The following PC variants were observed in gnomAD, a reference collection of about 807,000 sequenced individuals.
The protein encoded by PC is pyruvate carboxylase, mitochondrial.
PC carries 46 observed loss-of-function variants against 107.8 expected under a neutral mutation model. That is an observed-to-expected ratio of 0.43 (90% CI 0.34 to 0.55). The LOEUF is 0.55. Ranked by LOEUF, PC falls within the 20% of genes least tolerant of loss-of-function variation. The probability of loss-of-function intolerance (pLI) is 0.04; values close to 1 mark genes in which losing one functional copy is unlikely to be tolerated. For synonymous variants in PC, 662 were observed against 684.7 expected (o/e 0.97, Z 0.52); for missense variants, 1,241 against 1,643.1 (o/e 0.76, Z 4.23).
chr11:66,948,012 AAGATAGATAGATAGATAGAT>A (rs57087967), intron 3 of PC, among the ~76,000 whole-genome samples: 19 of 134,692 alleles, frequency 1.4e-4, no homozygotes, highest in South Asian at 2.6e-4. Context: ...ATCTCTACTA[AAGATAGATAGATAGATAGAT>A]AGATAGATAG....
intron 1 of PC, among the ~76,000 whole-genome samples, chr11:66,955,074 C>G (rs954813478): frequency 6.6e-6 from 1 of 152,194 alleles, no homozygotes; most frequent in African/African-American, 2.4e-5. Flanking sequence ...CTGCCACCTC[C>G]AAAAGTAACT....
In PC at chr11:66,852,927, C is replaced by T. The variant is rs2135818237; in HGVS notation, c.1514-91G>A. ...GAGTGGCTGGGCTCAGGGACAGGGA[C>T]ACATCCCTCCAGGATCCCCGGGCTT... On this transcript the variant is annotated intron_variant, in intron 13 of 22. Coordinates refer to ENST00000393960, the MANE Select transcript of PC (RefSeq NM_001040716.2). The surrounding 1 kb of genome is among the most constrained non-coding windows in gnomAD (Gnocchi z 4.7). The T allele has an allele frequency of 8.2e-6, 8 of 981,002 alleles. No homozygotes were observed. The East Asian group carries it at 1.8e-4, about 22-fold the overall frequency. The allele number at this position is 981,002 out of a possible 1,614,324, so 60.8% of individuals were successfully genotyped here. A position where few individuals can be genotyped will look rare whatever the true frequency, so the allele number is the denominator to read the frequency against.
chr11:66,940,377 T>G (rs114580351), intron 3 of PC, among the ~76,000 whole-genome samples: 5,683 of 151,872 alleles, frequency 0.037, 346 homozygotes, highest in African/African-American at 0.13. Flanking sequence ...AGGTGGTTTT[T>G]TGTGTGTGTG....
intron 3 of PC, among the ~76,000 whole-genome samples, chr11:66,927,757 C>A (rs979047703): frequency 6.6e-6 from 1 of 151,536 alleles, no homozygotes; most frequent in Admixed American, 6.6e-5. Flanking sequence ...TCTGGGATGC[C>A]AACTTTGGGT....
chr11:66,859,022 GC>G (rs1946073052), intron 12 of PC: 1 of 1,511,234 alleles, frequency 6.6e-7, no homozygotes, highest in Admixed American at 2.2e-5. Flanking sequence ...GGGGTCCCGG[GC>G]GGCCAGCCGA....
At chr11:66,897,316 A>G (rs1485801586) in intron 3 of PC, among the ~76,000 whole-genome samples, 1 of 152,118 alleles carries the variant, frequency 6.6e-6, no homozygotes, top group Non-Finnish European at 1.5e-5. Flanking sequence ...CACACCTATA[A>G]TCCCAGCACT....
chr11:66,858,263 C>G lies in PC; in HGVS notation c.1369-4880G>C, dbSNP rs1346703838. 1.2e-6 allele frequency: 2 copies of G among 1,612,394 alleles called. No homozygotes were observed. The highest frequency in any genetic ancestry group is 1.6e-4 in the Middle Eastern group (1 of 6,062). On this transcript the variant is annotated intron_variant, in intron 12 of 22. Coordinates refer to ENST00000393960, the MANE Select transcript of PC (RefSeq NM_001040716.2). The surrounding 1 kb of genome is among the most constrained non-coding windows in gnomAD (Gnocchi z 5.9). ...TCGGCGCCATGCCTGCCCTGCACAC[C>G]CTCAACCTGGACCATAACCTTATTG...
intron 12 of PC, chr11:66,860,251 CG>C: frequency 6.5e-7 from 1 of 1,536,614 alleles, no homozygotes. Flanking sequence ...GCAGAGGGCC[CG>C]GGGCCGCCGC....
rs1218284145 is a variant in PC at position 66,852,291 on chromosome 11, G to A, written c.1825+148C>T. On this transcript the variant is annotated intron_variant, in intron 15 of 22. Coordinates refer to ENST00000393960, the MANE Select transcript of PC (RefSeq NM_001040716.2). This position sits in a 1 kb window ranked among gnomAD's most constrained non-coding sequence, Gnocchi z 4.7. ...CCTCGTGCCGGCACCAGGCCTGGCCGGAGAGGGCGCTGTGCCTTCTTCGGT... is the reference window on the plus strand; with the variant it reads ...CCTCGTGCCGGCACCAGGCCTGGCCAGAGAGGGCGCTGTGCCTTCTTCGGT... The A allele has an allele frequency of 2.0e-5, 15 of 762,692 alleles. No individual in the cohort carries two copies. The highest frequency in any genetic ancestry group is 4.7e-5 in the South Asian group (3 of 63,984). 47.2% of individuals were successfully genotyped at this position (762,692 alleles called of 1,614,324 possible). A position where few individuals can be genotyped will look rare whatever the true frequency, so the allele number is the denominator to read the frequency against.
At chr11:66,927,069 C>A (rs1040902684) in intron 3 of PC, among the ~76,000 whole-genome samples, 3 of 148,564 alleles carry the variant, frequency 2.0e-5, no homozygotes, top group Non-Finnish European at 4.4e-5. Context: ...CGGCTCACTG[C>A]AACCTCTGCC....
intron 3 of PC, among the ~76,000 whole-genome samples, chr11:66,932,151 G>C (rs7108388): frequency 0.29 from 44,820 of 152,066 alleles, 6,868 homozygotes; most frequent in Middle Eastern, 0.36. Context: ...TGGGTTACTG[G>C]GGAGAGAGGA....
At chr11:66,943,857 G>C (rs894403137) in intron 3 of PC, among the ~76,000 whole-genome samples, 3 of 149,288 alleles carry the variant, frequency 2.0e-5, no homozygotes, top group Non-Finnish European at 4.4e-5. Flanking sequence ...CGTGGCAGGC[G>C]CGTGTATTCC....
In PC at chr11:66,914,128, G is replaced by A. The variant is rs117979788; in HGVS notation, c.-1+38302C>T. Among the ~76,000 whole-genome samples, 15 of 152,246 alleles carry A rather than the reference G, an allele frequency of 9.9e-5. No homozygotes were observed. The East Asian group carries it at 2.9e-3, about 29-fold the overall frequency. On this transcript the variant is annotated intron_variant, in intron 3 of 22. Coordinates refer to ENST00000393960, the MANE Select transcript of PC (RefSeq NM_001040716.2). ...GCAGGTCTTTCTCTTTCTCCCTACT[G>A]GATAAAACAGGGTGGTCTGTTTTGA...
chr11:66,858,223 T>C lies in PC; in HGVS notation c.1369-4840A>G. On this transcript the variant is annotated intron_variant, in intron 12 of 22. Transcript: ENST00000393960. The surrounding 1 kb of genome is among the most constrained non-coding windows in gnomAD (Gnocchi z 5.9). ...CTGTCCTACAACAACCTCCGGCAGGTGCCCTGGGCCGGCATCGGCGCCATG... is the reference window on the plus strand; with the variant it reads ...CTGTCCTACAACAACCTCCGGCAGGCGCCCTGGGCCGGCATCGGCGCCATG... 1.2e-6 allele frequency: 2 copies of C among 1,612,472 alleles called. No homozygotes were observed. Among genetic ancestry groups the C allele is most frequent in the Non-Finnish European group, 1.7e-6 (2 of 1,179,894 alleles).
chr11:66,928,678 A>C (rs1391387220), intron 3 of PC, among the ~76,000 whole-genome samples: 1 of 151,968 alleles, frequency 6.6e-6, no homozygotes, highest in Non-Finnish European at 1.5e-5. Context: ...AGCATGTGTA[A>C]CCTTGCCTGG....
rs752098882 is a variant in PC at position 66,852,529 on chromosome 11, C to T, written c.1735G>A (p.Ala579Thr). 6.2e-7 allele frequency: 1 copy of T among 1,614,108 alleles called. No homozygotes were observed. The highest frequency in any genetic ancestry group is 1.1e-5 in the South Asian group (1 of 91,086). ...TFRDAHQSLL[A>T]TRVRTHDLKK... ...AGATCGTGGGTGCGCACACGAGTGG[C>T]CAGCAGTGACTGGTGGGCGTCCCTG... The change falls in exon 15 of 23, where the codon GCC becomes ACC. Residue 579 changes from alanine to threonine, a missense_variant. By Grantham distance (58) the Ala-to-Thr change is moderately conservative. This residue lies in a region of PC where 1,143 missense variants were observed against 1,551.9 expected (regional missense o/e 0.74). Coordinates refer to ENST00000393960, the MANE Select transcript of PC (RefSeq NM_001040716.2). The surrounding 1 kb of genome is among the most constrained non-coding windows in gnomAD (Gnocchi z 4.7).
At chr11:66,948,608 G>A (rs531625684) in intron 3 of PC, among the ~76,000 whole-genome samples, 1 of 152,350 alleles carries the variant, frequency 6.6e-6, no homozygotes, top group South Asian at 2.1e-4. Flanking sequence ...GGGAGGCCAA[G>A]GCGGGCTGAT....
intron 13 of PC, 26 bp downstream of exon 13, chr11:66,853,208 GAGGGC>G (rs761126120): frequency 6.8e-6 from 11 of 1,608,524 alleles, no homozygotes; most frequent in Middle Eastern, 1.7e-4. Flanking sequence ...GAGGGGAGGG[GAGGGC>G]AGGGCAGGGC....
intron 3 of PC, among the ~76,000 whole-genome samples, chr11:66,908,490 C>G (rs1948234009): frequency 6.6e-6 from 1 of 152,194 alleles, no homozygotes; most frequent in Non-Finnish European, 1.5e-5. Context: ...GTTCATTTAA[C>G]AAAGTGTTAT....
Sources: allele counts gnomAD v4.1 joint callset (sites outside exome capture counted in the v4.1 genomes callset), GRCh38; gene constraint gnomAD v4.1.1; regional missense constraint gnomAD v4.1.1; non-coding constraint Gnocchi (gnomAD v3.1); transcripts MANE v1.5; gene names NCBI Gene and HGNC (gene_info 2026-07-23, HGNC 2026-07-21).